CRIM1: variants seen among roughly 807,000 people sequenced by gnomAD.
The protein encoded by CRIM1 is cysteine-rich motor neuron 1 protein.
CRIM1 carries 32 observed loss-of-function variants against 116.4 expected under a neutral mutation model. The ratio of observed to expected loss-of-function variants is 0.27; its 90% confidence interval spans 0.21 to 0.37. The LOEUF (loss-of-function observed/expected upper bound fraction) is 0.37. Among genes scored for constraint, CRIM1 ranks in the 10% least tolerant of loss-of-function variants. CRIM1 has a pLI of 1.00. For missense variants in CRIM1, 1,331 were observed against 1,354.8 expected (o/e 0.98, Z 0.28); for synonymous variants, 590 against 509.2 (o/e 1.16, Z -2.13).
intron 4 of CRIM1, among the ~76,000 whole-genome samples, chr2:36,461,337 C>G (rs1027157966): frequency 3.3e-5 from 5 of 152,088 alleles, no homozygotes; most frequent in Admixed American, 3.3e-4. Context: ...TTTGCTTGCT[C>G]CTTATCCAGA....
chr2:36,366,824 G>A (rs1669636586), intron 1 of CRIM1, among the ~76,000 whole-genome samples: 1 of 152,188 alleles, frequency 6.6e-6, no homozygotes, highest in Non-Finnish European at 1.5e-5. Context: ...TTAAGACTGC[G>A]AAAGACCTGC....
At chr2:36,548,315 T>C (rs2125200543) in intron 16 of CRIM1, among the ~76,000 whole-genome samples, 1 of 152,034 alleles carries the variant, frequency 6.6e-6, no homozygotes, top group East Asian at 1.9e-4. Flanking sequence ...TGACAGTTTC[T>C]TGACATTTCA....
chr2:36,534,766 A>G (rs1175674090), intron 13 of CRIM1, among the ~76,000 whole-genome samples: 1 of 152,028 alleles, frequency 6.6e-6, no homozygotes, highest in Admixed American at 6.5e-5. Context: ...AAAAGAATAT[A>G]GACAGTATAG....
rs1667271058 is a variant in CRIM1 at position 36,545,615 on chromosome 2, T to C, written c.2746+1117T>C. 2.0e-5 allele frequency among the ~76,000 whole-genome samples: 3 copies of C among 152,166 alleles called. No individual in the cohort carries two copies. In the South Asian group the frequency reaches 6.2e-4, roughly 31 times the overall value. ...AATCGTATTAAAGACTGATAGTTGT[T>C]TCCGTTTTTGGCTTTGGCTGCTACA... On this transcript the variant is annotated intron_variant, in intron 15 of 16. Coordinates refer to ENST00000280527, the MANE Select transcript of CRIM1 (RefSeq NM_016441.3).
chr2:36,529,118 C>A, intron 13 of CRIM1: 1 of 471,242 alleles, frequency 2.1e-6, no homozygotes. Context: ...CCAGAGAGAT[C>A]CAACAGTATC....
At chr2:36,491,816 G>A (rs535151260) in intron 7 of CRIM1, among the ~76,000 whole-genome samples, 65 of 152,178 alleles carry the variant, frequency 4.3e-4, no homozygotes, top group African/African-American at 1.3e-3. Flanking sequence ...ACACAAACCC[G>A]CATACCTATT....
chr2:36,417,891 T>C (rs561730534), intron 2 of CRIM1, among the ~76,000 whole-genome samples: 13 of 152,266 alleles, frequency 8.5e-5, no homozygotes, highest in Non-Finnish European at 1.6e-4. Context: ...AATCAGAAAT[T>C]GTGGCATTTT....
intron 12 of CRIM1, among the ~76,000 whole-genome samples, chr2:36,520,733 C>T (rs1396101323): frequency 6.6e-6 from 1 of 152,168 alleles, no homozygotes; most frequent in Non-Finnish European, 1.5e-5. Context: ...GAAGTAACTG[C>T]CTTGGTCCTC....
intron 4 of CRIM1, among the ~76,000 whole-genome samples, chr2:36,454,495 T>G (rs1676985716): frequency 6.6e-6 from 1 of 152,164 alleles, no homozygotes; most frequent in Admixed American, 6.5e-5. Context: ...GATGGGGGGC[T>G]TCAGGGTAGA....
At chr2:36,373,841 T>C (rs947027987) in intron 1 of CRIM1, among the ~76,000 whole-genome samples, 2 of 152,200 alleles carry the variant, frequency 1.3e-5, no homozygotes, top group African/African-American at 4.8e-5. Flanking sequence ...CGTGTCCTGG[T>C]AGTCTGTTAT....
chr2:36,524,231 T>C (rs1412174039), intron 13 of CRIM1, among the ~76,000 whole-genome samples: 4 of 152,192 alleles, frequency 2.6e-5, no homozygotes, highest in Non-Finnish European at 5.9e-5. Context: ...ACCCCTAAGC[T>C]TTCTAGCTCC....
At chr2:36,457,459 C>CG (rs1553391127) in intron 4 of CRIM1, among the ~76,000 whole-genome samples, 27 of 152,052 alleles carry the variant, frequency 1.8e-4, no homozygotes, top group Non-Finnish European at 2.6e-4. Flanking sequence ...GGGATGGCTG[C>CG]GGGGGGAGAG....
At chr2:36,478,757 A>G (rs984063637) in intron 6 of CRIM1, among the ~76,000 whole-genome samples, 1 of 152,168 alleles carries the variant, frequency 6.6e-6, no homozygotes, top group Non-Finnish European at 1.5e-5. Flanking sequence ...AAAATTGAGT[A>G]ATTTATCTGG....
intron 4 of CRIM1, among the ~76,000 whole-genome samples, chr2:36,456,803 G>A (rs1038348124): frequency 6.6e-6 from 1 of 151,904 alleles, no homozygotes; most frequent in Non-Finnish European, 1.5e-5. Context: ...CACCGCTGGG[G>A]TTGAGTCCCT....
intron 14 of CRIM1, among the ~76,000 whole-genome samples, chr2:36,540,610 A>G (rs1254578230): frequency 6.6e-6 from 1 of 152,218 alleles, no homozygotes; most frequent in East Asian, 1.9e-4. Context: ...AGGATTTTTC[A>G]GGCCTTAATT....
At chr2:36,508,074 A>G (rs535652955) in intron 8 of CRIM1, among the ~76,000 whole-genome samples, 1 of 152,324 alleles carries the variant, frequency 6.6e-6, no homozygotes, top group Admixed American at 6.5e-5. Context: ...CCATTCCCTT[A>G]ATAATGGGGA....
At chr2:36,540,885 GATA>G (rs1026553137) in intron 14 of CRIM1, among the ~76,000 whole-genome samples, 1 of 152,172 alleles carries the variant, frequency 6.6e-6, no homozygotes, top group Non-Finnish European at 1.5e-5. Flanking sequence ...TTGTGAGTTT[GATA>G]AGAGAGAGTA....
chr2:36,394,680 TAGG>T (rs1390129535), intron 1 of CRIM1, among the ~76,000 whole-genome samples: 2 of 151,838 alleles, frequency 1.3e-5, no homozygotes, highest in African/African-American at 2.4e-5. Flanking sequence ...TTAGGCTAAA[TAGG>T]AGAACAGATT....
chr2:36,379,742 CTTTTTTTTTTT>C (rs760969263), intron 1 of CRIM1, among the ~76,000 whole-genome samples: 2 of 106,386 alleles, frequency 1.9e-5, no homozygotes, highest in Admixed American at 1.0e-4. Flanking sequence ...TTCTTTCTCT[CTTTTTTTTTTT>C]TTTTTTTTTT....
Sources: gnomAD v4.1 joint callset for allele counts (sites outside exome capture counted in the v4.1 genomes callset) on GRCh38, gnomAD v4.1.1 for gene constraint, MANE v1.5 for transcripts, NCBI Gene and HGNC (gene_info 2026-07-23, HGNC 2026-07-21) for gene names.